FAM161A: variants seen among roughly 807,000 people sequenced by gnomAD.
FAM161A encodes the protein protein FAM161A.
FAM161A carries 57 observed loss-of-function variants against 70.9 expected under a neutral mutation model. That is an observed-to-expected ratio of 0.80 (90% CI 0.65 to 1.00). FAM161A has a LOEUF of 1.00. Ranked by LOEUF, FAM161A falls within the 50% of genes least tolerant of loss-of-function variation. FAM161A has a pLI of 0.00. For missense variants in FAM161A, 880 were observed against 836.0 expected (o/e 1.05, Z -0.65); for synonymous variants, 299 against 295.7 (o/e 1.01, Z -0.12).
chr2:61,836,300 T>G, intron 4 of FAM161A, 191 bp from the exon 5 acceptor site: 3 of 536,766 alleles, frequency 5.6e-6, no homozygotes, highest in Non-Finnish European at 1.0e-5. Flanking sequence ...TACCGGTTAA[T>G]TCTCATGGAA....
the FAM161A span, among the ~76,000 whole-genome samples, chr2:61,805,997 C>G: frequency 2.6e-5 from 4 of 152,174 alleles, no homozygotes; most frequent in African/African-American, 9.7e-5. Flanking sequence ...GCAGGATGAT[C>G]ATTTTAGCTC....
rs752639878 is a variant in FAM161A, at chr2:61,839,450, T to C, written c.1554A>G (p.Val518=). Residue 518 remains valine (V), a synonymous_variant, in exon 3 of 7, where the codon GTA becomes GTG. Coordinates refer to ENST00000404929, the MANE Select transcript of FAM161A (RefSeq NM_001201543.2). ...CGGCTTGTTCTCGTCCTCTGGAAGA[T>C]ACCGTGGGCACGGGAGGGTTGCAGT... ...PCNCNPPVPT[V]SSRGREQAVR... The C allele has an allele frequency of 2.2e-5, 35 of 1,614,074 alleles. No individual in the cohort carries two copies. In the East Asian group the frequency reaches 3.8e-4, roughly 17 times the overall value.
At chr2:61,807,801 T>A in the FAM161A span, among the ~76,000 whole-genome samples, 2 of 151,868 alleles carry the variant, frequency 1.3e-5, no homozygotes, top group Admixed American at 1.3e-4. Flanking sequence ...GCACCACACC[T>A]GGCTAATTTT....
At chr2:61,841,234 C>G (rs1673009023) in intron 2 of FAM161A, among the ~76,000 whole-genome samples, 1 of 152,170 alleles carries the variant, frequency 6.6e-6, no homozygotes, top group African/African-American at 2.4e-5. Context: ...GCTACGAAGT[C>G]AAGCCTAGAT....
At chr2:61,833,238 C>T (rs1672647532) in intron 5 of FAM161A, among the ~76,000 whole-genome samples, 1 of 151,994 alleles carries the variant, frequency 6.6e-6, no homozygotes, top group Non-Finnish European at 1.5e-5. Flanking sequence ...GCCTGACCAA[C>T]ATGGTGAAAC....
chr2:61,801,311 C>T, the FAM161A span, among the ~76,000 whole-genome samples: 3 of 151,470 alleles, frequency 2.0e-5, no homozygotes, highest in Non-Finnish European at 4.4e-5. Flanking sequence ...GCCTGGCCAA[C>T]ATAGTGAAAC....
chr2:61,804,774 G>GAA, the FAM161A span, among the ~76,000 whole-genome samples: 116 of 123,604 alleles, frequency 9.4e-4, 1 homozygote, highest in African/African-American at 3.5e-3. Context: ...GAAAGAGAAA[G>GAA]AAAGAAAGAA....
In FAM161A at chr2:61,849,140, ATATTTATATATT is replaced by A. The variant is rs575626689; in HGVS notation, c.183+4707_183+4718del. ...TATTTAAATATTTATATACTTATAT[ATATTTATATATT>A]TATTTATATATTTATATAGTATGTA... On this transcript the variant is annotated intron_variant, in intron 1 of 6. Coordinates refer to ENST00000404929, the MANE Select transcript of FAM161A (RefSeq NM_001201543.2). Among the ~76,000 whole-genome samples the A allele has an allele frequency of 1.4e-3, 165 of 122,168 alleles. 7 individuals are homozygous for A. The highest frequency in any genetic ancestry group is 5.2e-3 in the African/African-American group (159 of 30,668). The allele number at this position is 122,168 out of a possible 152,430, so 80.1% of individuals were successfully genotyped here. A position where few individuals can be genotyped will look rare whatever the true frequency, so the allele number is the denominator to read the frequency against.
intron 1 of FAM161A, among the ~76,000 whole-genome samples, chr2:61,848,886 T>TTATA (rs1195508565): frequency 0.084 from 167 of 1,986 alleles, 24 homozygotes; most frequent in Admixed American, 0.23. Flanking sequence ...ATATATATAT[T>TTATA]TATATATATT....
chr2:61,848,724 T>G (rs1282511036), intron 1 of FAM161A, among the ~76,000 whole-genome samples: 2 of 143,826 alleles, frequency 1.4e-5, no homozygotes, highest in African/African-American at 5.2e-5. Context: ...ATGAGAGAGA[T>G]CTACATGTAC....
intron 5 of FAM161A, among the ~76,000 whole-genome samples, chr2:61,828,472 G>C (rs1672457357): frequency 6.6e-6 from 1 of 152,084 alleles, no homozygotes; most frequent in Non-Finnish European, 1.5e-5. Flanking sequence ...GGGACCATAG[G>C]CGCGTGCCAC....
Position 61,840,227 on chromosome 2 carries a change from T to C in FAM161A, c.777A>G (p.Lys259=). 6.2e-7 allele frequency: 1 copy of C among 1,613,930 alleles called. No individual in the cohort carries two copies. Among genetic ancestry groups the C allele is most frequent in the Non-Finnish European group, 8.5e-7 (1 of 1,179,928 alleles). ...QKKKEESMKS[K]SDIEMVHKAL... ...CTTTATGTACCATTTCGATATCTGA[T>C]TTAGATTTCATGGACTCTTCTTTTT... is the stretch of plus-strand genomic sequence containing the variant. The change falls in exon 3 of 7, where the codon AAA becomes AAG. Residue 259 remains lysine, a synonymous_variant. Transcript: ENST00000404929.
rs180696002 is a variant in FAM161A, at chr2:61,849,775, C to T, written c.183+4084G>A. On this transcript the variant is annotated intron_variant, in intron 1 of 6. Coordinates refer to ENST00000404929, the MANE Select transcript of FAM161A (RefSeq NM_001201543.2). ...ACTCTAGCCTGGTGACAGAGCGAGA[C>T]TCCATCACAAAAAAAAAAAAAAAAA... 5.9e-3 allele frequency among the ~76,000 whole-genome samples: 860 copies of T among 144,602 alleles called. 17 individuals are homozygous for T. Among genetic ancestry groups the T allele is most frequent in the African/African-American group, 0.021 (832 of 38,764 alleles). 94.9% of individuals were successfully genotyped at this position (144,602 alleles called of 152,430 possible).
At chr2:61,806,771 C>G in the FAM161A span, among the ~76,000 whole-genome samples, 1 of 141,640 alleles carries the variant, frequency 7.1e-6, no homozygotes. Context: ...CGGCTCACTG[C>G]AAGCTCCGCC....
intron 1 of FAM161A, among the ~76,000 whole-genome samples, 199 bp from the exon 2 acceptor site, chr2:61,842,559 A>T (rs1379324434): frequency 1.3e-5 from 2 of 152,240 alleles, no homozygotes; most frequent in Non-Finnish European, 2.9e-5. Flanking sequence ...AACGAGAGGG[A>T]GCAAGACCAA....
the FAM161A span, among the ~76,000 whole-genome samples, chr2:61,804,802 G>GAAAGAAAGA: frequency 3.6e-5 from 5 of 140,480 alleles, no homozygotes; most frequent in East Asian, 1.1e-3. Flanking sequence ...AAGAAAGAAA[G>GAAAGAAAGA]AAAGAAAGAA....
the FAM161A span, among the ~76,000 whole-genome samples, chr2:61,812,791 C>T: frequency 2.0e-5 from 3 of 151,984 alleles, no homozygotes; most frequent in Middle Eastern, 3.2e-3. Flanking sequence ...GAATACTGGC[C>T]GGGCGCGGTG....
chr2:61,847,042 A>G, intron 1 of FAM161A: 1 of 383,918 alleles, frequency 2.6e-6, no homozygotes, highest in South Asian at 1.9e-5. Context: ...CATGCCTATA[A>G]TCCCAGCTAC....
chr2:61,827,428 G>A (rs570493603), intron 5 of FAM161A, among the ~76,000 whole-genome samples, 170 bp from the exon 6 acceptor site: 23 of 152,076 alleles, frequency 1.5e-4, no homozygotes, highest in Non-Finnish European at 2.8e-4. Flanking sequence ...GGCTAACACG[G>A]TGAAACCCCG....
Sources: allele counts gnomAD v4.1 joint callset (sites outside exome capture counted in the v4.1 genomes callset), GRCh38; gene constraint gnomAD v4.1.1; transcripts MANE v1.5; gene names NCBI Gene and HGNC (gene_info 2026-07-23, HGNC 2026-07-21).